The following LRP2 variants were observed in gnomAD, a reference collection of about 807,000 sequenced individuals.
LRP2 encodes the protein LDL receptor related protein 2, also known as low-density lipoprotein receptor-related protein 2.
Under a neutral mutation model 531.0 loss-of-function variants are expected in LRP2, and 172 were observed. That is an observed-to-expected ratio of 0.32 (90% CI 0.29 to 0.37). The LOEUF (loss-of-function observed/expected upper bound fraction) is 0.37, where lower values mean the gene tolerates loss of function less well. Ranked by LOEUF, LRP2 falls within the 10% of genes least tolerant of loss-of-function variation. LRP2 has a pLI of 1.00. For synonymous variants in LRP2, 1,992 were observed against 2,027.6 expected, an observed-to-expected ratio of 0.98 and a Z score of 0.47; for missense variants, 5,167 against 5,868.3, an observed-to-expected ratio of 0.88 and a Z score of 3.90.
chr2:169,157,877 TAGAG>T (rs1686392342), intron 63 of LRP2, among the ~76,000 whole-genome samples: 1 of 150,330 alleles, frequency 6.7e-6, no homozygotes, highest in East Asian at 1.9e-4. Context: ...AATAGATAGA[TAGAG>T]AGATAGATGA....
rs1559067605 is a variant in LRP2 at position 169,307,368 on chromosome 2, T to G, written c.340A>C (p.Thr114Pro). Residue 114 changes from threonine to proline, a missense_variant, in exon 4 of 79, where the codon ACA (threonine) becomes CCA (proline). Physicochemically the swap from Thr to Pro is conservative, Grantham distance 38 (BLOSUM62 -1). This residue lies in a region of LRP2 where 2,811 missense variants were observed against 3,058.0 expected (regional missense o/e 0.92). Coordinates refer to ENST00000649046, the MANE Select transcript of LRP2 (RefSeq NM_004525.3). ...SQSTCSSHQI[T>P]CSNGQCIPSE... is the part of the protein sequence containing the mutation. ...GGGATACACTGACCATTGGAGCATG[T>G]TATCTGATGACTTGAGCATGTACTT... The G allele has an allele frequency of 6.2e-7, 1 of 1,613,334 alleles. No homozygotes were observed.
rs1343489060 is a variant in LRP2 at position 169,325,051 on chromosome 2, G to A, written c.80-4167C>T. ...TCTGAAAAAAGGGGAATATCTAGAA[G>A]TTTTTTTCAAAAAAAAAAAAAAAGA... On this transcript the variant is annotated intron_variant, in intron 1 of 78. Transcript: ENST00000649046. 4.4e-4 allele frequency among the ~76,000 whole-genome samples: 58 copies of A among 132,678 alleles called. 1 individual carries two copies. Among genetic ancestry groups the A allele is most frequent in the East Asian group, 2.2e-4 (1 of 4,620 alleles). The allele number at this position is 132,678 out of a possible 152,430, so 87.0% of individuals were successfully genotyped here.
chr2:169,213,518 T>C (rs1412862711), intron 36 of LRP2, 139 bp downstream of exon 36: 7 of 795,254 alleles, frequency 8.8e-6, no homozygotes, highest in Middle Eastern at 3.5e-4. Context: ...CATTATCATT[T>C]TTTAAATATT....
chr2:169,265,442 CA>C (rs1387945801), intron 16 of LRP2, among the ~76,000 whole-genome samples: 1 of 151,766 alleles, frequency 6.6e-6, no homozygotes, highest in Non-Finnish European at 1.5e-5. Flanking sequence ...AAGCTTCCAT[CA>C]AAAAGAAGAA....
chr2:169,294,793 A>G, intron 4 of LRP2, 83 bp from the exon 5 acceptor site: 1 of 841,970 alleles, frequency 1.2e-6, no homozygotes, highest in Non-Finnish European at 1.9e-6. Flanking sequence ...ACATTTATTG[A>G]GTGATTACTA....
At chr2:169,347,345 T>C (rs1319203094) in intron 1 of LRP2, among the ~76,000 whole-genome samples, 1 of 152,188 alleles carries the variant, frequency 6.6e-6, no homozygotes, top group Non-Finnish European at 1.5e-5. Flanking sequence ...ACATAGGAAA[T>C]GTCTTCTCCA....
intron 1 of LRP2, among the ~76,000 whole-genome samples, chr2:169,325,037 G>C (rs1464654971): frequency 6.7e-6 from 1 of 150,230 alleles, no homozygotes; most frequent in Admixed American, 6.6e-5. Context: ...CTGAAAAAAG[G>C]GGAATATCTA....
chr2:169,342,846 A>G (rs1353073163), intron 1 of LRP2, among the ~76,000 whole-genome samples: 1 of 152,270 alleles, frequency 6.6e-6, no homozygotes, highest in African/African-American at 2.4e-5. Flanking sequence ...AACTGTAATT[A>G]TTAACCAAGT....
chr2:169,290,264 C>CTTTTTTT (rs11463198), intron 8 of LRP2, among the ~76,000 whole-genome samples: 1 of 56,932 alleles, frequency 1.8e-5, no homozygotes, highest in Non-Finnish European at 2.9e-5. Context: ...GAACCAGAAG[C>CTTTTTTT]TTTTTTTTTT....
At chr2:169,147,009 C>A in intron 68 of LRP2, 50 bp from the exon 69 acceptor site, 3 of 1,376,376 alleles carry the variant, frequency 2.2e-6, no homozygotes, top group Non-Finnish European at 3.1e-6. Context: ...TAAGACTTCT[C>A]CACTACAGCA....
At chr2:169,162,421 T>C in intron 63 of LRP2, 51 bp downstream of exon 63, 1 of 1,604,442 alleles carries the variant, frequency 6.2e-7, no homozygotes, top group Non-Finnish European at 8.5e-7. Context: ...ATGTTTTAAT[T>C]AGGTAAACCT....
Position 169,237,113 on chromosome 2 carries a change from G to A in LRP2, c.4681C>T (p.Pro1561Ser). 4 of 1,613,566 alleles carry A rather than the reference G, an allele frequency of 2.5e-6. No individual in the cohort carries two copies. The highest frequency in any genetic ancestry group is 3.4e-6 in the Non-Finnish European group (4 of 1,179,622). Residue 1561 changes from proline to serine, a missense_variant, in exon 28 of 79, where the codon CCC becomes TCC. Transcript: ENST00000649046. Reference protein sequence around the residue: ...LTNPRGLALDPRMNEHLLFWS... With the variant: ...LTNPRGLALDSRMNEHLLFWS... ...AAAAAAAAGTCTTACTTCATTCTGGGATCTAATGCTAGTCCTCTTGGATTT... is the reference window on the plus strand; with the variant it reads ...AAAAAAAAGTCTTACTTCATTCTGGAATCTAATGCTAGTCCTCTTGGATTT...
rs1559013386 is a variant in LRP2 at position 169,202,854 on chromosome 2, G to A, written c.8111C>T (p.Ser2704Phe). 6.2e-7 allele frequency: 1 copy of A among 1,614,144 alleles called. No individual in the cohort carries two copies. Among genetic ancestry groups the A allele is most frequent in the South Asian group, 1.1e-5 (1 of 91,078 alleles). The change falls in exon 43 of 79, where the codon TCC becomes TTC. Residue 2704 changes from serine to phenylalanine, a missense_variant. Physicochemically the swap from Ser to Phe is radical, Grantham distance 155 (BLOSUM62 -2). This residue lies in a region of LRP2 where 1,129 missense variants were observed against 1,362.7 expected (regional missense o/e 0.83). Coordinates refer to ENST00000649046, the MANE Select transcript of LRP2 (RefSeq NM_004525.3). ...VDNGERCGAS[S>F]FTCSNGRCIS... is the part of the protein sequence containing the mutation. Reference sequence around the variant, plus strand: ...GCAGCGCCCATTGGAGCAGGTGAAGGAAGATGCACCACATCGTTCACCATT... The same window carrying A: ...GCAGCGCCCATTGGAGCAGGTGAAGAAAGATGCACCACATCGTTCACCATT...
intron 8 of LRP2, 116 bp downstream of exon 8, chr2:169,290,728 TA>T: frequency 9.0e-7 from 1 of 1,105,998 alleles, no homozygotes; most frequent in Non-Finnish European, 1.3e-6. Flanking sequence ...TTTATGCCAC[TA>T]AGTCTTGGGG....
At chr2:169,193,308 A>G (rs1462569670) in intron 47 of LRP2, among the ~76,000 whole-genome samples, 1 of 151,598 alleles carries the variant, frequency 6.6e-6, no homozygotes, top group Non-Finnish European at 1.5e-5. Flanking sequence ...TGGTGGGCGT[A>G]TGGTCCCAAC....
At chr2:169,276,405 G>A (rs564069692) in intron 13 of LRP2, among the ~76,000 whole-genome samples, 1 of 151,910 alleles carries the variant, frequency 6.6e-6, no homozygotes, top group South Asian at 2.1e-4. Flanking sequence ...TTTTACTTCA[G>A]CAAAAGTTAG....
At chr2:169,209,279 C>T (rs1414723835) in intron 38 of LRP2, among the ~76,000 whole-genome samples, 174 bp downstream of exon 38, 1 of 152,022 alleles carries the variant, frequency 6.6e-6, no homozygotes, top group South Asian at 2.1e-4. Context: ...ACTGAAACAC[C>T]GTATCATTTA....
intron 72 of LRP2, 180 bp from the exon 73 acceptor site, chr2:169,139,790 C>A: frequency 1.5e-6 from 1 of 686,986 alleles, no homozygotes. Context: ...AAGAACAGTG[C>A]TCTGATTTTA....
At chr2:169,240,880 C>G in intron 25 of LRP2, 108 bp downstream of exon 25, 1 of 1,370,808 alleles carries the variant, frequency 7.3e-7, no homozygotes. Flanking sequence ...CATAGAGGAA[C>G]TGAAATCCTT....
Sources: allele counts gnomAD v4.1 joint callset (sites outside exome capture counted in the v4.1 genomes callset), GRCh38; gene constraint gnomAD v4.1.1; regional missense constraint gnomAD v4.1.1; transcripts MANE v1.5; gene names NCBI Gene and HGNC (gene_info 2026-07-23, HGNC 2026-07-21).